Variants in PALS2 observed in about 807,000 individuals in gnomAD.
PALS2 encodes the protein protein associated with LIN7 2, MAGUK p55 family member, also known as protein PALS2.
PALS2 carries 27 observed loss-of-function variants against 61.6 expected under a neutral mutation model. The ratio of observed to expected loss-of-function variants is 0.44; its 90% confidence interval spans 0.32 to 0.60. The LOEUF (loss-of-function observed/expected upper bound fraction) is 0.60. PALS2 is among the 20% of genes least tolerant of loss of function. The pLI is 0.05. For missense variants in PALS2, 554 were observed against 639.4 expected, an observed-to-expected ratio of 0.87 and a Z score of 1.44; for synonymous variants, 236 against 218.6, an observed-to-expected ratio of 1.08 and a Z score of -0.70.
intron 1 of PALS2, chr7:24,589,140 G>A (rs549829992): frequency 6.6e-6 from 1 of 152,140 alleles, no homozygotes; most frequent in South Asian, 2.1e-4. Flanking sequence ...TCTTCTTTTA[G>A]TAGATACTTC....
intron 11 of PALS2, among the ~76,000 whole-genome samples, chr7:24,681,043 C>T (rs1234445963): frequency 4.6e-5 from 7 of 151,610 alleles, no homozygotes; most frequent in South Asian, 2.1e-4. Flanking sequence ...GTTTAGTTCC[C>T]CTTTGTAAAA....
chr7:24,680,373 T>TA lies in PALS2; in HGVS notation c.1318-17dup, dbSNP rs772731183. Reference sequence around the variant, plus strand: ...TTCTAATATTGTATAAATTGGCTTATAATTATTCTTTTACACAGGCACTGA... The same window carrying TA: ...TTCTAATATTGTATAAATTGGCTTATAAATTATTCTTTTACACAGGCACTGA... On this transcript the variant is annotated intron_variant, in intron 10 of 11. Transcript: ENST00000222644. The TA allele has an allele frequency of 6.2e-7, 1 of 1,604,784 alleles. No homozygotes were observed. The highest frequency in any genetic ancestry group is 1.3e-5 in the African/African-American group (1 of 74,778).
At position 24,618,361 on chromosome 7, in the gene PALS2, G is replaced by T. The variant is rs1037360640; in HGVS notation, c.-2-5305G>T. 3.9e-5 allele frequency among the ~76,000 whole-genome samples: 6 copies of T among 152,232 alleles called. No homozygotes were observed. Among genetic ancestry groups the T allele is most frequent in the African/African-American group, 1.4e-4 (6 of 41,462 alleles). ...AGATCCTGTGCTCAGGCTCTGTGCA[G>T]CTGGGGTTGTGGCATTCAGACACCT... is the stretch of plus-strand genomic sequence containing the variant. On this transcript the variant is annotated intron_variant, in intron 1 of 11. Transcript: ENST00000222644. The surrounding 1 kb of genome is among the most constrained non-coding windows in gnomAD (Gnocchi z 5.1).
chr7:24,686,586 C>A (rs975448450), intron 11 of PALS2, among the ~76,000 whole-genome samples: 1 of 152,168 alleles, frequency 6.6e-6, no homozygotes, highest in Non-Finnish European at 1.5e-5. Flanking sequence ...TCTTAAAATT[C>A]TTTGTGCCTG....
chr7:24,634,686 C>A (rs1434516004), intron 2 of PALS2, among the ~76,000 whole-genome samples: 2 of 152,162 alleles, frequency 1.3e-5, no homozygotes, highest in African/African-American at 4.8e-5. Context: ...TTAGCTCTTA[C>A]ATTTAGGTGT....
chr7:24,602,758 C>G lies in PALS2; in HGVS notation c.-2-20908C>G, dbSNP rs1259667727. ...TGGGTGATATGGTTTGGCTTTCTGT[C>G]CCCACCCAAATCTCATCTTGAATTG... is the stretch of plus-strand genomic sequence containing the variant. On this transcript the variant is annotated intron_variant, in intron 1 of 11. Transcript: ENST00000222644. Among the ~76,000 whole-genome samples, 7 of 152,250 alleles carry G rather than the reference C, an allele frequency of 4.6e-5. No homozygotes were observed. The South Asian group carries it at 6.2e-4, about 14-fold the overall frequency.
rs1041972392 is a variant in PALS2 at position 24,691,780 on chromosome 7, T to G, written c.*4166T>G. ...TTTAATATGATTCAGGCTGAGATTA[T>G]GATACCTGCCCTTGTCTTATTTCAA... On this transcript the variant is annotated 3_prime_UTR_variant, in exon 12 of 12. Transcript: ENST00000222644. The G allele has an allele frequency of 2.0e-5, 3 of 152,084 alleles. No individual in the cohort carries two copies. Among genetic ancestry groups the G allele is most frequent in the Admixed American group, 6.6e-5 (1 of 15,266 alleles). 9.4% of individuals were successfully genotyped at this position (152,084 alleles called of 1,614,324 possible). A position where few individuals can be genotyped will look rare whatever the true frequency, so the allele number is the denominator to read the frequency against.
intron 5 of PALS2, among the ~76,000 whole-genome samples, chr7:24,655,130 G>A (rs1180062148): frequency 6.6e-6 from 1 of 152,126 alleles, no homozygotes; most frequent in East Asian, 1.9e-4. Context: ...TACATTGCTG[G>A]TGGCAGTGTG....
At chr7:24,630,946 G>C (rs1368551546) in intron 2 of PALS2, among the ~76,000 whole-genome samples, 1 of 152,244 alleles carries the variant, frequency 6.6e-6, no homozygotes, top group East Asian at 1.9e-4. Flanking sequence ...CAAGAGCTCG[G>C]ACAGAAATGT....
At chr7:24,590,606 A>C (rs543290447) in intron 1 of PALS2, among the ~76,000 whole-genome samples, 1 of 152,246 alleles carries the variant, frequency 6.6e-6, no homozygotes, top group South Asian at 2.1e-4. Context: ...TTCCTTGGCC[A>C]ACAGGCATGT....
chr7:24,673,293 A>T lies in PALS2; in HGVS notation c.1114+4633A>T, dbSNP rs1242470391. 2.0e-5 allele frequency among the ~76,000 whole-genome samples: 3 copies of T among 151,984 alleles called. No individual in the cohort carries two copies. The East Asian group carries it at 5.8e-4, about 29-fold the overall frequency. ...GCCGTCTTTTTTTGTATACTTCTAG[A>T]TTCAGTTGCTTGTAATTTGTAAGGA... On this transcript the variant is annotated intron_variant, in intron 9 of 11. Coordinates refer to ENST00000222644, the MANE Select transcript of PALS2 (RefSeq NM_001303037.2).
In PALS2 at chr7:24,665,596, T is replaced by C. The variant is rs1048985771; in HGVS notation, c.792T>C (p.His264=). ...CATTAATTTGATTCTAGGCTAGCCA[T>C]GTAAAAGAGGGAGGAAGCGCTGGTC... The part of the protein sequence containing the change: ...REDPNWWQAS[H]VKEGGSAGLI... The change falls in exon 7 of 12, where the codon CAT becomes CAC. Residue 264 remains histidine, a synonymous_variant. Coordinates refer to ENST00000222644, the MANE Select transcript of PALS2 (RefSeq NM_001303037.2). 9 of 1,613,406 alleles carry C rather than the reference T, an allele frequency of 5.6e-6. No homozygotes were observed. Among genetic ancestry groups the C allele is most frequent in the Admixed American group, 3.3e-5 (2 of 59,982 alleles).
chr7:24,596,488 G>T lies in PALS2; in HGVS notation c.-3+22895G>T, dbSNP rs1239060553. On this transcript the variant is annotated intron_variant, in intron 1 of 11. Transcript: ENST00000222644. The surrounding 1 kb of genome is among the most constrained non-coding windows in gnomAD (Gnocchi z 4.5). ...TTAGAACATTTGATAAAATATCTCAGTGATTCTATAATATTTCACATTTAT... is the reference window on the plus strand; with the variant it reads ...TTAGAACATTTGATAAAATATCTCATTGATTCTATAATATTTCACATTTAT... Among the ~76,000 whole-genome samples the T allele has an allele frequency of 6.6e-6, 1 of 152,126 alleles. No individual in the cohort carries two copies. Among genetic ancestry groups the T allele is most frequent in the Non-Finnish European group, 1.5e-5 (1 of 68,026 alleles).
intron 1 of PALS2, among the ~76,000 whole-genome samples, chr7:24,575,367 A>G (rs975386917): frequency 6.6e-5 from 10 of 152,132 alleles, no homozygotes; most frequent in Non-Finnish European, 1.0e-4. Flanking sequence ...CTTTAGGCCA[A>G]CTGTTGGATT....
intron 10 of PALS2, among the ~76,000 whole-genome samples, chr7:24,679,740 C>T (rs1018072762): frequency 6.6e-6 from 1 of 151,266 alleles, no homozygotes; most frequent in Non-Finnish European, 1.5e-5. Context: ...TTTTGTCACT[C>T]TATATTTCTG....
At chr7:24,663,799 G>A (rs1786865739) in intron 6 of PALS2, 78 bp downstream of exon 6, 1 of 1,450,060 alleles carries the variant, frequency 6.9e-7, no homozygotes. Flanking sequence ...GAATAGTCAG[G>A]AAGAATATTA....
chr7:24,674,907 A>G (rs377590331), intron 9 of PALS2, among the ~76,000 whole-genome samples: 1 of 152,126 alleles, frequency 6.6e-6, no homozygotes, highest in African/African-American at 2.4e-5. Flanking sequence ...TTGTGTCTTC[A>G]TTATTTGAAG....
At chr7:24,672,490 C>T (rs980535879) in intron 9 of PALS2, among the ~76,000 whole-genome samples, 2 of 152,050 alleles carry the variant, frequency 1.3e-5, no homozygotes, top group African/African-American at 4.8e-5. Context: ...CTTAGCCTCC[C>T]AAAGTGCTGG....
chr7:24,670,584 A>G (rs1787246827), intron 9 of PALS2, among the ~76,000 whole-genome samples: 1 of 152,042 alleles, frequency 6.6e-6, no homozygotes, highest in South Asian at 2.1e-4. Context: ...TAAAATGTAT[A>G]TTTTCTGCCC....
Sources: allele counts gnomAD v4.1 joint callset (sites outside exome capture counted in the v4.1 genomes callset), GRCh38; gene constraint gnomAD v4.1.1; non-coding constraint Gnocchi (gnomAD v3.1); transcripts MANE v1.5; gene names NCBI Gene and HGNC (gene_info 2026-07-23, HGNC 2026-07-21).